Variants in CEP290 observed in about 807,000 individuals in gnomAD.
The protein encoded by CEP290 is centrosomal protein 290, also known as centrosomal protein of 290 kDa.
CEP290 carries 317 observed loss-of-function variants against 344.9 expected under a neutral mutation model. The ratio of observed to expected loss-of-function variants is 0.92; its 90% CI spans 0.84 to 1.01. The LOEUF is 1.01. Among genes scored for constraint, CEP290 ranks in the 50% least tolerant of loss-of-function variants. The pLI, the probability that CEP290 is intolerant of heterozygous loss-of-function variation, is 0.00. For synonymous variants in CEP290, 932 were observed against 895.8 expected (o/e 1.04, Z -0.72); for missense variants, 2,754 against 2,761.4 (o/e 1.00, Z 0.06).
At chr12:88,058,043 T>G (rs113635279) in intron 49 of CEP290, 3 of 152,194 alleles carry the variant, frequency 2.0e-5, no homozygotes, top group Non-Finnish European at 4.4e-5. Flanking sequence ...ACAGGATGGC[T>G]TTAATGGGAA....
chr12:88,133,820 C>T (rs1391568114), intron 6 of CEP290, among the ~76,000 whole-genome samples: 1 of 152,032 alleles, frequency 6.6e-6, no homozygotes, highest in African/African-American at 2.4e-5. Context: ...GTTAATAATC[C>T]CACTGTGTTC....
chr12:88,072,440 T>C lies in CEP290; in HGVS notation c.5710-514A>G, dbSNP rs78287775. ...CAACCTGTATAACTCCTAGAATCTT[T>C]GGGCATGCCGAGCTATTAGGAAAAC... On this transcript the variant is annotated intron_variant, in intron 41 of 53. Transcript: ENST00000552810. Among the ~76,000 whole-genome samples, 1,142 of 152,254 alleles carry C rather than the reference T, an allele frequency of 7.5e-3. 20 individuals are homozygous for C. Among genetic ancestry groups the C allele is most frequent in the African/African-American group, 0.026 (1,096 of 41,552 alleles).
chr12:88,121,894 C>CA (rs1031652079), intron 13 of CEP290, among the ~76,000 whole-genome samples: 9 of 152,072 alleles, frequency 5.9e-5, no homozygotes, highest in Admixed American at 2.0e-4. Flanking sequence ...ATTTTTCTGT[C>CA]ACTTGCAGCT....
chr12:88,119,808 A>G (rs768269765), intron 15 of CEP290, among the ~76,000 whole-genome samples: 3 of 152,130 alleles, frequency 2.0e-5, no homozygotes, highest in Non-Finnish European at 4.4e-5. Flanking sequence ...GTTGGGAAAA[A>G]AAAAGGTTAA....
At position 88,107,047 on chromosome 12, in the gene CEP290, T is replaced by C; in HGVS notation, c.2535A>G (p.Arg845=). 6.4e-7 allele frequency: 1 copy of C among 1,553,928 alleles called. No individual in the cohort carries two copies. Among genetic ancestry groups the C allele is most frequent in the Non-Finnish European group, 8.7e-7 (1 of 1,150,926 alleles). The change falls in exon 24 of 54, where the codon AGA becomes AGG. Residue 845 remains arginine (R), a synonymous_variant. Transcript: ENST00000552810. The part of the protein sequence containing the change: ...TESKTIKEEK[R]KLEDQVQQDA... ...CTTGTTGGACTTGATCCTCAAGTTTTCTCTTTTCCTCTTTTATTGTTTTAG... is the reference window on the plus strand; with the variant it reads ...CTTGTTGGACTTGATCCTCAAGTTTCCTCTTTTCCTCTTTTATTGTTTTAG...
At chr12:88,091,864 G>A (rs2137324699) in intron 29 of CEP290, among the ~76,000 whole-genome samples, 1 of 152,158 alleles carries the variant, frequency 6.6e-6, no homozygotes, top group South Asian at 2.1e-4. Flanking sequence ...TTACAAAAGA[G>A]AATGAAAATA....
In CEP290 at chr12:88,077,408, A is replaced by G. The variant is rs1281470124; in HGVS notation, c.5587-64T>C. 6 of 1,094,110 alleles carry G rather than the reference A, an allele frequency of 5.5e-6. No individual in the cohort carries two copies. The Admixed American group carries it at 1.8e-4, about 33-fold the overall frequency. The allele number at this position is 1,094,110 out of a possible 1,614,324, so 67.8% of individuals were successfully genotyped here. A position where few individuals can be genotyped will look rare whatever the true frequency, so the allele number is the denominator to read the frequency against. On this transcript the variant is annotated intron_variant, in intron 40 of 53. Coordinates refer to ENST00000552810, the MANE Select transcript of CEP290 (RefSeq NM_025114.4). ...ATGTAAAACAAAATAGACAGTAAAT[A>G]TTTCAATTATATAATAGCAACTTTC...
Position 88,050,451 on chromosome 12 carries a change from C to T in CEP290, c.7130-18G>A. 3 of 1,270,508 alleles carry T rather than the reference C, an allele frequency of 2.4e-6. No homozygotes were observed. Among genetic ancestry groups the T allele is most frequent in the South Asian group, 2.6e-5 (2 of 76,588 alleles). The allele number at this position is 1,270,508 out of a possible 1,614,324, so 78.7% of individuals were successfully genotyped here. A position where few individuals can be genotyped will look rare whatever the true frequency, so the allele number is the denominator to read the frequency against. ...ATCAGCATCTGTTGAAAAAGTCATA[C>T]AAATTAGACTCAGCTTTTTCCCACT... On this transcript the variant is annotated intron_variant, in intron 52 of 53. Transcript: ENST00000552810.
chr12:88,121,492 T>A (rs1331220367), intron 13 of CEP290, among the ~76,000 whole-genome samples: 1 of 152,014 alleles, frequency 6.6e-6, no homozygotes, highest in Non-Finnish European at 1.5e-5. Context: ...ACTAAAACTA[T>A]GGATTTTTAG....
Position 88,140,992 on chromosome 12 carries a change from C to T in CEP290, c.144G>A (p.Val48=), listed in dbSNP as rs752484237. 5.7e-6 allele frequency: 9 copies of T among 1,592,034 alleles called. No homozygotes were observed. The South Asian group carries it at 1.1e-4, about 19-fold the overall frequency. The change falls in exon 3 of 54, where the codon GTG becomes GTA. Residue 48 remains valine, a synonymous_variant. Coordinates refer to ENST00000552810, the MANE Select transcript of CEP290 (RefSeq NM_025114.4). The stretch of plus-strand genomic sequence containing the variant: ...ACTGAGTAATTCTGAAAAGGTGTAT[C>T]ACATTTTCTTGCTTTTCACTTTTTA... ...NELKSEKQEN[V]IHLFRITQSL... is the part of the protein sequence containing the mutation.
rs1012211766 is a variant in CEP290 at position 88,111,774 on chromosome 12, C to T, written c.2137G>A (p.Glu713Lys). The change falls in exon 21 of 54, where the codon GAA becomes AAA. Residue 713 changes from glutamate (E) to lysine (K), a missense_variant. Physicochemically the swap from Glu to Lys is moderately conservative, Grantham distance 56. Coordinates refer to ENST00000552810, the MANE Select transcript of CEP290 (RefSeq NM_025114.4). ...TCCCTGAGCTCCTGTCTTAATTCTTCATTTCTTCCGGTAAGCTGATCAACT... is the reference window on the plus strand; with the variant it reads ...TCCCTGAGCTCCTGTCTTAATTCTTTATTTCTTCCGGTAAGCTGATCAACT... The part of the protein sequence containing the change: ...AQVDQLTGRN[E>K]ELRQELRESR... The T allele has an allele frequency of 1.2e-6, 2 of 1,606,742 alleles. No individual in the cohort carries two copies. The highest frequency in any genetic ancestry group is 1.7e-6 in the Non-Finnish European group (2 of 1,177,022).
intron 41 of CEP290, 107 bp downstream of exon 41, chr12:88,077,115 C>A (rs1334176823): frequency 1.9e-6 from 2 of 1,050,404 alleles, no homozygotes; most frequent in Non-Finnish European, 2.7e-6. Flanking sequence ...AGAATTAATA[C>A]AGCCAGGTCA....
chr12:88,067,727 G>A (rs919005730), intron 44 of CEP290, among the ~76,000 whole-genome samples: 1 of 152,102 alleles, frequency 6.6e-6, no homozygotes, highest in African/African-American at 2.4e-5. Context: ...GTTAAAATCT[G>A]CCAACTTACC....
chr12:88,126,449 A>C lies in CEP290; in HGVS notation c.943-11T>G. 1 of 1,474,536 alleles carries C rather than the reference A, an allele frequency of 6.8e-7. No individual in the cohort carries two copies. Among genetic ancestry groups the C allele is most frequent in the Middle Eastern group, 1.8e-4 (1 of 5,642 alleles). The allele number at this position is 1,474,536 out of a possible 1,614,324, so 91.3% of individuals were successfully genotyped here. Reference sequence around the variant, plus strand: ...AGAAGACAAAATTAGCTAGAAATAAACACAATAGAATCTGTTATGCAAAAG... The same window carrying C: ...AGAAGACAAAATTAGCTAGAAATAACCACAATAGAATCTGTTATGCAAAAG... On this transcript the variant is annotated splice_polypyrimidine_tract_variant and intron_variant, in intron 11 of 53. Transcript: ENST00000552810.
chr12:88,111,699 A>C lies in CEP290; in HGVS notation c.2212T>G (p.Leu738Val). The C allele has an allele frequency of 6.3e-7, 1 of 1,577,026 alleles. No individual in the cohort carries two copies. The highest frequency in any genetic ancestry group is 8.6e-7 in the Non-Finnish European group (1 of 1,166,998). The change falls in exon 21 of 54, where the codon TTA becomes GTA. Residue 738 changes from leucine (L) to valine (V), a missense_variant. Transcript: ENST00000552810. The part of the protein sequence containing the change: ...NYSQQLAKAN[L>V]KIDHLEKETS... ...TTATTTAATAAAATTCTCACCTTTA[A>C]ATTAGCTTTTGCCAACTGCTGTGAA...
intron 18 of CEP290, among the ~76,000 whole-genome samples, 190 bp downstream of exon 18, chr12:88,116,843 G>A (rs903052902): frequency 3.3e-5 from 5 of 151,764 alleles, no homozygotes; most frequent in Admixed American, 1.3e-4. Context: ...GCGTGGTGGC[G>A]GGCGCCTGTA....
At chr12:88,115,440 C>G (rs889828171) in intron 18 of CEP290, 2 of 1,251,974 alleles carry the variant, frequency 1.6e-6, no homozygotes, top group Non-Finnish European at 2.1e-6. Context: ...GTCTTTAGTA[C>G]CACAATCATC....
At chr12:88,129,514 T>A (rs2039939400) in intron 10 of CEP290, among the ~76,000 whole-genome samples, 180 bp downstream of exon 10, 1 of 151,910 alleles carries the variant, frequency 6.6e-6, no homozygotes, top group Non-Finnish European at 1.5e-5. Flanking sequence ...CAAAAATTAG[T>A]GTTTGTGAGG....
intron 41 of CEP290, among the ~76,000 whole-genome samples, chr12:88,077,004 C>A (rs2035827270): frequency 6.6e-6 from 1 of 151,944 alleles, no homozygotes; most frequent in Non-Finnish European, 1.5e-5. Context: ...ATAAGAGTTA[C>A]ATTATAGGTA....
Sources: gnomAD v4.1 joint callset for allele counts (sites outside exome capture counted in the v4.1 genomes callset) on GRCh38, gnomAD v4.1.1 for gene constraint, MANE v1.5 for transcripts, NCBI Gene and HGNC (gene_info 2026-07-23, HGNC 2026-07-21) for gene names.